Variants in KATNAL1 observed in about 807,000 individuals in gnomAD.
KATNAL1 encodes the protein katanin catalytic subunit A1 like 1, also known as katanin p60 ATPase-containing subunit A-like 1.
KATNAL1 carries 32 observed loss-of-function variants against 55.2 expected under a neutral mutation model. The observed-to-expected ratio is 0.58, with a 90% CI of 0.44 to 0.78. KATNAL1 has a LOEUF of 0.78. Ranked by LOEUF, KATNAL1 falls within the 30% of genes least tolerant of loss-of-function variation. The pLI is 0.00. For missense variants in KATNAL1, 466 were observed against 600.9 expected (o/e 0.78, Z 2.35); for synonymous variants, 193 against 193.6 (o/e 1.00, Z 0.02).
At chr13:30,282,828 G>A (rs1220538026) in intron 2 of KATNAL1, among the ~76,000 whole-genome samples, 5 of 151,094 alleles carry the variant, frequency 3.3e-5, no homozygotes, top group African/African-American at 7.3e-5. Flanking sequence ...GGTGGTGGGC[G>A]CATGTAGTCC....
At chr13:30,255,638 AAT>A (rs1337270645) in intron 3 of KATNAL1, 23 bp from the exon 4 acceptor site, 2 of 1,241,624 alleles carry the variant, frequency 1.6e-6, no homozygotes, top group Non-Finnish European at 2.1e-6. Context: ...AAAAAAAAAA[AAT>A]TAAAATTAAA....
At position 30,299,201 on chromosome 13, in the gene KATNAL1, AC is replaced by A. The variant is rs764692384; in HGVS notation, c.-15+8129del. Among the ~76,000 whole-genome samples the A allele has an allele frequency of 2.0e-3, 302 of 152,306 alleles. 2 individuals are homozygous for A. The highest frequency in any genetic ancestry group is 1.4e-3 in the Non-Finnish European group (93 of 68,008). ...TTCAAGTTTATGTTTGATAAAGGCC[AC>A]ATAAAAATTTCAGACAGAAAAGCCT... On this transcript the variant is annotated intron_variant, in intron 1 of 10. Coordinates refer to ENST00000380615, the MANE Select transcript of KATNAL1 (RefSeq NM_032116.5).
At chr13:30,305,738 T>G (rs1459541896) in intron 1 of KATNAL1, among the ~76,000 whole-genome samples, 1 of 152,266 alleles carries the variant, frequency 6.6e-6, no homozygotes, top group Non-Finnish European at 1.5e-5. Flanking sequence ...CTAGAGCAAC[T>G]TGCACTTATC....
intron 9 of KATNAL1, among the ~76,000 whole-genome samples, chr13:30,221,980 G>A (rs1298350448): frequency 6.6e-6 from 1 of 152,170 alleles, no homozygotes; most frequent in East Asian, 1.9e-4. Context: ...GAACCCAGGA[G>A]GCGGAGGTTG....
chr13:30,219,183 C>A (rs1212213454), intron 9 of KATNAL1, among the ~76,000 whole-genome samples: 1 of 152,066 alleles, frequency 6.6e-6, no homozygotes, highest in African/African-American at 2.4e-5. Flanking sequence ...ATACATTTTA[C>A]TTTTATTTCC....
intron 9 of KATNAL1, among the ~76,000 whole-genome samples, chr13:30,217,370 C>G (rs1334893089): frequency 6.6e-6 from 1 of 152,084 alleles, no homozygotes; most frequent in Admixed American, 6.5e-5. Flanking sequence ...AGGAGAATGG[C>G]GTGAACTCAG....
intron 4 of KATNAL1, among the ~76,000 whole-genome samples, chr13:30,242,932 A>G (rs972617069): frequency 1.3e-5 from 2 of 152,246 alleles, no homozygotes; most frequent in Admixed American, 1.3e-4. Flanking sequence ...TTCATAAAAA[A>G]TACTTAAATT....
intron 3 of KATNAL1, among the ~76,000 whole-genome samples, chr13:30,274,884 C>G (rs1387067209): frequency 7.8e-6 from 1 of 129,018 alleles, no homozygotes; most frequent in South Asian, 2.2e-4. Flanking sequence ...GGTGTGTGCA[C>G]ACACATACGC....
chr13:30,240,921 C>T, intron 5 of KATNAL1, 38 bp downstream of exon 5: 2 of 1,579,240 alleles, frequency 1.3e-6, no homozygotes, highest in East Asian at 2.2e-5. Context: ...AATTTGTGTT[C>T]TCCTCTACTT....
chr13:30,251,496 AG>A (rs1249245601), intron 4 of KATNAL1, among the ~76,000 whole-genome samples: 3 of 152,134 alleles, frequency 2.0e-5, no homozygotes, highest in African/African-American at 7.2e-5. Flanking sequence ...TTCCCAAGGG[AG>A]CCTGTTGGCC....
chr13:30,239,180 TGG>T (rs2137418986), intron 6 of KATNAL1, among the ~76,000 whole-genome samples: 1 of 152,190 alleles, frequency 6.6e-6, no homozygotes, highest in African/African-American at 2.4e-5. Flanking sequence ...GAGACCAAGG[TGG>T]GAGGTTCACT....
chr13:30,301,325 G>A (rs1423431569), intron 1 of KATNAL1, among the ~76,000 whole-genome samples: 3 of 152,038 alleles, frequency 2.0e-5, no homozygotes, highest in African/African-American at 7.2e-5. Context: ...CCGAGATGGC[G>A]CCACTGCACT....
chr13:30,282,779 C>T (rs1723299013), intron 2 of KATNAL1, among the ~76,000 whole-genome samples: 1 of 150,288 alleles, frequency 6.7e-6, no homozygotes, highest in African/African-American at 2.4e-5. Context: ...ACGGTGAAAC[C>T]CCATCTCTAC....
At chr13:30,293,067 T>G (rs1197722169) in intron 1 of KATNAL1, among the ~76,000 whole-genome samples, 1 of 152,194 alleles carries the variant, frequency 6.6e-6, no homozygotes, top group Non-Finnish European at 1.5e-5. Flanking sequence ...GAAATTAATG[T>G]CTTTCCATTT....
In KATNAL1 at chr13:30,207,504, A is replaced by G. The variant is rs1036429931; in HGVS notation, c.*1036T>C. 5.3e-5 allele frequency: 8 copies of G among 152,224 alleles called. No homozygotes were observed. The highest frequency in any genetic ancestry group is 1.0e-4 in the Non-Finnish European group (7 of 68,036). The allele number at this position is 152,224 out of a possible 1,614,324, so 9.4% of individuals were successfully genotyped here. On this transcript the variant is annotated 3_prime_UTR_variant, in exon 11 of 11. Coordinates refer to ENST00000380615, the MANE Select transcript of KATNAL1 (RefSeq NM_032116.5). ...CAGAGAGTGGACTTGTTTAGAATGTAAAAGTATTTATCTCAAATACTAAAA... is the reference window on the plus strand; with the variant it reads ...CAGAGAGTGGACTTGTTTAGAATGTGAAAGTATTTATCTCAAATACTAAAA...
At position 30,210,416 on chromosome 13, in the gene KATNAL1, T is replaced by C. The variant is rs1303846185; in HGVS notation, c.1174A>G (p.Ile392Val). The C allele has an allele frequency of 1.2e-6, 2 of 1,605,976 alleles. No homozygotes were observed. Among genetic ancestry groups the C allele is most frequent in the Admixed American group, 1.7e-5 (1 of 58,610 alleles). Residue 392 changes from isoleucine (I) to valine (V), a missense_variant, in exon 10 of 11, where the codon ATC (isoleucine) becomes GTC (valine). Around this residue, in one of 3 missense-constraint regions of KATNAL1, gnomAD observed 213 missense variants for 308.6 expected, o/e 0.69. Transcript: ENST00000380615. ...TAKGRAELLK[I>V]NLREVELDPD... ...TCTAATTCGACCTCACGAAGGTTGA[T>C]CTTCAGAAGCTCAGCTCTTCCTTTT... is the stretch of plus-strand genomic sequence containing the variant.
At chr13:30,218,858 C>T (rs1874573865) in intron 9 of KATNAL1, among the ~76,000 whole-genome samples, 1 of 152,156 alleles carries the variant, frequency 6.6e-6, no homozygotes, top group Admixed American at 6.5e-5. Context: ...CATCATGGAA[C>T]AGACACAAAC....
At chr13:30,272,787 C>T (rs1013175767) in intron 3 of KATNAL1, among the ~76,000 whole-genome samples, 4 of 152,068 alleles carry the variant, frequency 2.6e-5, no homozygotes, top group African/African-American at 9.7e-5. Context: ...ATAAAAGGAA[C>T]AATAAAATAA....
At chr13:30,211,948 G>A (rs534440736) in intron 9 of KATNAL1, among the ~76,000 whole-genome samples, 3 of 152,328 alleles carry the variant, frequency 2.0e-5, no homozygotes, top group Non-Finnish European at 2.9e-5. Context: ...TTATGACAGA[G>A]GTGGTTCAGG....
Sources: allele counts gnomAD v4.1 joint callset (sites outside exome capture counted in the v4.1 genomes callset), GRCh38; gene constraint gnomAD v4.1.1; regional missense constraint gnomAD v4.1.1; transcripts MANE v1.5; gene names NCBI Gene and HGNC (gene_info 2026-07-23, HGNC 2026-07-21).